Variants in PTPRT observed in about 807,000 individuals in gnomAD.
PTPRT encodes the protein protein tyrosine phosphatase receptor type T, also known as receptor-type tyrosine-protein phosphatase T.
In PTPRT, 56 loss-of-function variants were observed where a neutral mutation model predicts 176.8. The observed-to-expected ratio is 0.32, with a 90% confidence interval of 0.26 to 0.40. The LOEUF (loss-of-function observed/expected upper bound fraction) is 0.40. Ranked by LOEUF, PTPRT falls within the 10% of genes least tolerant of loss-of-function variation. The pLI is 1.00. For missense variants in PTPRT, 1,540 were observed against 1,908.2 expected, an observed-to-expected ratio of 0.81 and a Z score of 3.60; for synonymous variants, 783 against 739.0, an observed-to-expected ratio of 1.06 and a Z score of -0.96.
intron 6 of PTPRT, among the ~76,000 whole-genome samples, chr20:42,700,821 T>G (rs1190851830): frequency 6.6e-6 from 1 of 152,088 alleles, no homozygotes; most frequent in Non-Finnish European, 1.5e-5. Context: ...TAACTGGAGA[T>G]CTTATTTTTT....
intron 6 of PTPRT, among the ~76,000 whole-genome samples, chr20:42,682,587 C>T (rs1353055793): frequency 6.6e-6 from 1 of 152,196 alleles, no homozygotes; most frequent in African/African-American, 2.4e-5. Context: ...ACCCTCTGCT[C>T]ACAAAGTTTG....
chr20:43,188,753 G>GA (rs981081027), intron 1 of PTPRT, among the ~76,000 whole-genome samples: 1 of 150,498 alleles, frequency 6.6e-6, no homozygotes, highest in African/African-American at 2.4e-5. Flanking sequence ...TACTCTTGGG[G>GA]GGGGGGGGGC....
chr20:42,136,232 C>CT (rs397864699), intron 18 of PTPRT, among the ~76,000 whole-genome samples: 9,751 of 63,036 alleles, frequency 0.15, 2,130 homozygotes, highest in East Asian at 0.22. Context: ...AAGAACAGTG[C>CT]TTTTTTTTTT....
At chr20:42,672,379 CT>C (rs931803384) in intron 7 of PTPRT, among the ~76,000 whole-genome samples, 19 of 152,310 alleles carry the variant, frequency 1.2e-4, no homozygotes, top group African/African-American at 4.6e-4. Context: ...CTCGGACTGG[CT>C]TCCTTTCTCC....
intron 7 of PTPRT, among the ~76,000 whole-genome samples, chr20:42,506,842 G>A (rs1002650392): frequency 6.6e-6 from 1 of 152,140 alleles, no homozygotes; most frequent in African/African-American, 2.4e-5. Context: ...TCCTCAGTGA[G>A]TCTATGTTTT....
intron 16 of PTPRT, among the ~76,000 whole-genome samples, chr20:42,195,592 C>T (rs567414156): frequency 5.3e-5 from 8 of 152,168 alleles, no homozygotes; most frequent in South Asian, 4.2e-4. Flanking sequence ...AGCCTGAGGA[C>T]GTCAGATGCA....
At chr20:42,881,183 T>C (rs987740125) in intron 2 of PTPRT, among the ~76,000 whole-genome samples, 6 of 152,308 alleles carry the variant, frequency 3.9e-5, no homozygotes, top group Middle Eastern at 3.4e-3. Flanking sequence ...TTCACACTCA[T>C]GCAGACATCC....
chr20:42,837,208 T>A (rs2078196068), intron 2 of PTPRT, among the ~76,000 whole-genome samples: 1 of 152,208 alleles, frequency 6.6e-6, no homozygotes, highest in Non-Finnish European at 1.5e-5. Context: ...CAGCAGCCAC[T>A]GGAGCCCACA....
intron 15 of PTPRT, among the ~76,000 whole-genome samples, chr20:42,230,280 C>T (rs1234146681): frequency 5.3e-5 from 8 of 152,224 alleles, no homozygotes; most frequent in African/African-American, 1.9e-4. Context: ...GACATCTGCA[C>T]AAGGCATTTG....
intron 1 of PTPRT, among the ~76,000 whole-genome samples, chr20:42,979,723 G>T (rs761670253): frequency 2.6e-5 from 4 of 152,016 alleles, no homozygotes; most frequent in African/African-American, 7.3e-5. Flanking sequence ...CTTATCCTAG[G>T]TCTCCAGTCT....
chr20:42,306,449 A>G (rs2057545940), intron 12 of PTPRT, among the ~76,000 whole-genome samples: 1 of 152,208 alleles, frequency 6.6e-6, no homozygotes, highest in Non-Finnish European at 1.5e-5. Context: ...GTGACAGACA[A>G]GAGCTGTGAG....
chr20:42,858,743 G>T (rs1343569387), intron 2 of PTPRT, among the ~76,000 whole-genome samples: 1 of 152,190 alleles, frequency 6.6e-6, no homozygotes, highest in Non-Finnish European at 1.5e-5. Context: ...TTTTATAGAA[G>T]CCCAACTGGA....
intron 1 of PTPRT, among the ~76,000 whole-genome samples, chr20:42,920,959 T>C (rs773500077): frequency 1.5e-4 from 23 of 152,174 alleles, no homozygotes; most frequent in Admixed American, 5.9e-4. Flanking sequence ...ACAGGAAATA[T>C]GGAGGTTGGG....
chr20:42,694,867 A>G (rs1444525357), intron 6 of PTPRT, among the ~76,000 whole-genome samples: 1 of 152,138 alleles, frequency 6.6e-6, no homozygotes, highest in Admixed American at 6.5e-5. Context: ...AAGGCTGCAA[A>G]CAGGATGTCT....
the PTPRT span, among the ~76,000 whole-genome samples, chr20:42,052,907 A>G: frequency 2.6e-5 from 4 of 152,216 alleles, no homozygotes; most frequent in African/African-American, 4.8e-5. Context: ...CTCATAAATT[A>G]GAGCAGCAAT....
intron 11 of PTPRT, among the ~76,000 whole-genome samples, chr20:42,337,420 C>T (rs2058055669): frequency 1.3e-5 from 2 of 152,178 alleles, no homozygotes; most frequent in Admixed American, 1.3e-4. Flanking sequence ...GTTTTCTCTA[C>T]TGAGAACAGG....
At chr20:42,946,784 A>G (rs1427826462) in intron 1 of PTPRT, among the ~76,000 whole-genome samples, 3 of 152,190 alleles carry the variant, frequency 2.0e-5, no homozygotes, top group Non-Finnish European at 4.4e-5. Flanking sequence ...AGGATTTACA[A>G]CGGGGTTTCT....
intron 7 of PTPRT, among the ~76,000 whole-genome samples, chr20:42,591,961 G>A (rs1205709015): frequency 6.8e-6 from 1 of 146,224 alleles, no homozygotes; most frequent in Non-Finnish European, 1.5e-5. Flanking sequence ...GTCATGGTCA[G>A]TTTGCTGGAG....
chr20:42,881,810 A>G (rs1204509430), intron 2 of PTPRT, among the ~76,000 whole-genome samples: 1 of 152,128 alleles, frequency 6.6e-6, no homozygotes. Flanking sequence ...TTGAGAAAAC[A>G]AATTCTGGTG....
Sources: allele counts gnomAD v4.1 joint callset (sites outside exome capture counted in the v4.1 genomes callset), GRCh38; gene constraint gnomAD v4.1.1; transcripts MANE v1.5; gene names NCBI Gene and HGNC (gene_info 2026-07-23, HGNC 2026-07-21).